PAQR3: variants seen among roughly 807,000 people sequenced by gnomAD.
PAQR3 encodes progestin and adipoQ receptor family member 3.
Under a neutral mutation model 41.7 loss-of-function variants are expected in PAQR3, and 39 were observed. The ratio of observed to expected loss-of-function variants is 0.93; its 90% CI spans 0.72 to 1.22. PAQR3 has a LOEUF of 1.22. PAQR3 is among the 50% of genes most tolerant of loss of function. The pLI is 0.00. For synonymous variants in PAQR3, 140 were observed against 140.6 expected (o/e 1.00, Z 0.03); for missense variants, 366 against 385.6 (o/e 0.95, Z 0.42).
chr4:78,932,937 G>T, intron 2 of PAQR3: 1 of 301,294 alleles, frequency 3.3e-6, no homozygotes, highest in Non-Finnish European at 6.7e-6. Context: ...CTCCATCAAG[G>T]TAGACAGATA....
chr4:78,915,904 T>TAGAA lies in PAQR3; in HGVS notation c.*4631_*4634dup, dbSNP rs1560565710. Reference sequence around the variant, plus strand: ...GAAAAGTCATCTAATAGAAGCTGTATAGAAGCTACTTTTTAATTGCTGGCA... The same window carrying TAGAA: ...GAAAAGTCATCTAATAGAAGCTGTATAGAAAGAAGCTACTTTTTAATTGCTGGCA... On this transcript the variant is annotated 3_prime_UTR_variant, in exon 6 of 6. Transcript: ENST00000512733. 6.6e-6 allele frequency: 1 copy of TAGAA among 152,000 alleles called. No homozygotes were observed. Among genetic ancestry groups the TAGAA allele is most frequent in the Non-Finnish European group, 1.5e-5 (1 of 67,906 alleles). 9.4% of individuals were successfully genotyped at this position (152,000 alleles called of 1,614,324 possible). A position where few individuals can be genotyped will look rare whatever the true frequency, so the allele number is the denominator to read the frequency against.
chr4:78,892,585 G>T (rs149288388), intron 11 of PAQR3, among the ~76,000 whole-genome samples: 164 of 152,086 alleles, frequency 1.1e-3, no homozygotes, highest in Admixed American at 3.1e-3. Context: ...CCTATTTCAG[G>T]AATAATTTGC....
At position 78,912,249 on chromosome 4, in the gene PAQR3, TCTAA is replaced by T. The variant is rs1363678379; in HGVS notation, c.*8286_*8289del. The T allele has an allele frequency of 2.8e-5, 14 of 498,616 alleles. No individual in the cohort carries two copies. The highest frequency in any genetic ancestry group is 3.9e-5 in the African/African-American group (2 of 51,502). The allele number at this position is 498,616 out of a possible 1,614,324, so 30.9% of individuals were successfully genotyped here. ...GAGAAAAGGGAGCTAAATTGCAAGC[TCTAA>T]CTAAGGGTTTCTGCTACTGACATCA... On this transcript the variant is annotated 3_prime_UTR_variant, in exon 6 of 6. Coordinates refer to ENST00000512733, the MANE Select transcript of PAQR3 (RefSeq NM_001040202.2).
chr4:78,934,897 G>A (rs971141773), intron 2 of PAQR3, among the ~76,000 whole-genome samples: 1 of 151,986 alleles, frequency 6.6e-6, no homozygotes. Context: ...CAAAAGAAGA[G>A]GAAAGAAACA....
chr4:78,930,301 A>C lies in PAQR3; in HGVS notation c.373T>G (p.Tyr125Asp). The C allele has an allele frequency of 6.2e-7, 1 of 1,613,706 alleles. No individual in the cohort carries two copies. The highest frequency in any genetic ancestry group is 1.1e-5 in the South Asian group (1 of 90,970). Reference protein sequence around the residue: ...FQVCMLCSVGYHLFSCHRSEK... With the variant: ...FQVCMLCSVGDHLFSCHRSEK... ...GACCGATGGCAGGAAAAAAGATGAT[A>C]GCCCACAGAGCAAAGCATACAGACC... is the stretch of plus-strand genomic sequence containing the variant. The change falls in exon 3 of 6, where the codon TAT (tyrosine) becomes GAT (aspartate). Residue 125 changes from tyrosine to aspartate, a missense_variant. Transcript: ENST00000512733.
intron 11 of PAQR3, among the ~76,000 whole-genome samples, chr4:78,894,778 G>A (rs61193392): frequency 0.14 from 21,417 of 152,108 alleles, 2,787 homozygotes; most frequent in African/African-American, 0.35. Context: ...AGCTTTCAGC[G>A]TGCTTTCCTC....
rs188585484 is a variant in PAQR3, at chr4:78,927,305, T to C, written c.505-587A>G. On this transcript the variant is annotated intron_variant, in intron 3 of 5. Transcript: ENST00000512733. ...CTGTTAGGCTAAATGTTTTGAACTT[T>C]ACCACACTGGCACTGGAGGAATAAC... 2.0e-3 allele frequency among the ~76,000 whole-genome samples: 306 copies of C among 152,360 alleles called. 2 individuals carry two copies. The highest frequency in any genetic ancestry group is 1.3e-3 in the Non-Finnish European group (88 of 68,036).
At chr4:78,901,230 A>AT (rs11355746) in intron 11 of PAQR3, among the ~76,000 whole-genome samples, 284 of 142,140 alleles carry the variant, frequency 2.0e-3, no homozygotes, top group Middle Eastern at 3.4e-3. Flanking sequence ...TTATTTTATT[A>AT]TTTTTTTTTT....
At chr4:78,894,101 C>T (rs1733578902) in intron 11 of PAQR3, among the ~76,000 whole-genome samples, 1 of 152,152 alleles carries the variant, frequency 6.6e-6, no homozygotes, top group Non-Finnish European at 1.5e-5. Context: ...GTGATGTCAT[C>T]CAGGCTTTGT....
In PAQR3 at chr4:78,920,664, C is replaced by G; in HGVS notation, c.811G>C (p.Gly271Arg). Residue 271 changes from glycine (G) to arginine (R), a missense_variant, in exon 6 of 6, where the codon GGA becomes CGA. Transcript: ENST00000512733. ...ATATGCCATATTTGGTGGCTTGATCCGAGGTAGTTTAGTTGTCCTGGAAAG... is the reference window on the plus strand; with the variant it reads ...ATATGCCATATTTGGTGGCTTGATCGGAGGTAGTTTAGTTGTCCTGGAAAG... ...RYFPGQLNYL[G>R]SSHQIWHILA... The G allele has an allele frequency of 6.2e-7, 1 of 1,606,428 alleles. No homozygotes were observed. Among genetic ancestry groups the G allele is most frequent in the Non-Finnish European group, 8.5e-7 (1 of 1,175,846 alleles).
rs1349902718 is a variant in PAQR3 at position 78,926,758 on chromosome 4, C to T, written c.505-40G>A. 2.5e-5 allele frequency: 39 copies of T among 1,570,868 alleles called. 1 individual carries two copies. Among genetic ancestry groups the T allele is most frequent in the Non-Finnish European group, 3.3e-5 (38 of 1,143,204 alleles). Reference sequence around the variant, plus strand: ...AATCACATTTTAATTCTGTTATTAACAATAAAGGAACTGAAAAAGTAATTT... The same window carrying T: ...AATCACATTTTAATTCTGTTATTAATAATAAAGGAACTGAAAAAGTAATTT... On this transcript the variant is annotated intron_variant, in intron 3 of 5. Coordinates refer to ENST00000512733, the MANE Select transcript of PAQR3 (RefSeq NM_001040202.2).
chr4:78,930,489 T>C, intron 2 of PAQR3, 164 bp from the exon 3 acceptor site: 2 of 460,518 alleles, frequency 4.3e-6, no homozygotes, highest in Non-Finnish European at 7.3e-6. Context: ...TCACTCTACA[T>C]GTAGAGCCAT....
At chr4:78,897,752 C>T (rs1041854558) in intron 11 of PAQR3, among the ~76,000 whole-genome samples, 2 of 152,150 alleles carry the variant, frequency 1.3e-5, no homozygotes, top group Admixed American at 6.5e-5. Flanking sequence ...ATTTCCCAGC[C>T]GTGATTAATA....
At chr4:78,890,415 C>T (rs748416065) in intron 11 of PAQR3, among the ~76,000 whole-genome samples, 20 of 151,974 alleles carry the variant, frequency 1.3e-4, no homozygotes, top group Non-Finnish European at 2.9e-4. Context: ...CACACACACA[C>T]ACACACACAC....
chr4:78,929,674 A>G (rs558056724), intron 3 of PAQR3, among the ~76,000 whole-genome samples: 27 of 152,362 alleles, frequency 1.8e-4, no homozygotes, highest in African/African-American at 5.8e-4. Context: ...ACCCCCAAAC[A>G]TAAGACTGAA....
In PAQR3 at chr4:78,917,803, A is replaced by AATCT. The variant is rs1023483934; in HGVS notation, c.*2732_*2735dup. 7 of 985,046 alleles carry AATCT rather than the reference A, an allele frequency of 7.1e-6. No homozygotes were observed. In the Admixed American group the frequency reaches 2.5e-4, roughly 35 times the overall value. 61.0% of individuals were successfully genotyped at this position (985,046 alleles called of 1,614,324 possible). A position where few individuals can be genotyped will look rare whatever the true frequency, so the allele number is the denominator to read the frequency against. ...GTACAGTTTTACGGAAGTCAATCAC[A>AATCT]ATCTTCAAATCGGATATTCTGTCCA... On this transcript the variant is annotated 3_prime_UTR_variant, in exon 6 of 6. Transcript: ENST00000512733.
At chr4:78,910,634 A>T (rs758465528), downstream of PAQR3, 15 of 1,545,784 alleles carry the variant, frequency 9.7e-6, 1 homozygote, top group South Asian at 1.6e-4. Context: ...AAAGCTGAAC[A>T]TTCATCTATA....
In PAQR3 at chr4:78,920,556, A is replaced by G. The variant is rs1339211743; in HGVS notation, c.919T>C (p.Tyr307His). Reference protein sequence around the residue: ...QYRHSKPCPDYVSHL With the variant: ...QYRHSKPCPDHVSHL ...TACCTAATTCACAAATGTGAAACAT[A>G]GTCAGGACAAGGCTTGCTATGTCTG... Residue 307 changes from tyrosine (Y) to histidine (H), a missense_variant, in exon 6 of 6, where the codon TAT becomes CAT. By Grantham distance (83) the Tyr-to-His change is moderately conservative. Coordinates refer to ENST00000512733, the MANE Select transcript of PAQR3 (RefSeq NM_001040202.2). 7.5e-6 allele frequency: 12 copies of G among 1,608,068 alleles called. No individual in the cohort carries two copies. Among genetic ancestry groups the G allele is most frequent in the Middle Eastern group, 1.7e-4 (1 of 6,030 alleles).
chr4:78,920,482 A>G lies in PAQR3; in HGVS notation c.*57T>C. 6.5e-7 allele frequency: 1 copy of G among 1,532,730 alleles called. No individual in the cohort carries two copies. Among genetic ancestry groups the G allele is most frequent in the Non-Finnish European group, 8.8e-7 (1 of 1,137,748 alleles). 94.9% of individuals were successfully genotyped at this position (1,532,730 alleles called of 1,614,324 possible). ...GGGAATCTTAGAAATAGTGGGGTAT[A>G]CAATTCCCCATTATATATTGCTTAA... is the stretch of plus-strand genomic sequence containing the variant. On this transcript the variant is annotated 3_prime_UTR_variant, in exon 6 of 6. Transcript: ENST00000512733.
Sources: gnomAD v4.1 joint callset for allele counts (sites outside exome capture counted in the v4.1 genomes callset) on GRCh38, gnomAD v4.1.1 for gene constraint, MANE v1.5 for transcripts, NCBI Gene and HGNC (gene_info 2026-07-23, HGNC 2026-07-21) for gene names.